The following ADGRL3 variants were observed in gnomAD, a reference collection of about 807,000 sequenced individuals.
ADGRL3 encodes calcium-independent alpha-latrotoxin receptor 3.
Under a neutral mutation model 153.5 loss-of-function variants are expected in ADGRL3, and 62 were observed. That is an observed-to-expected ratio of 0.40 (90% confidence interval 0.33 to 0.50). The LOEUF (loss-of-function observed/expected upper bound fraction) is 0.50. ADGRL3 is among the 20% of genes least tolerant of loss of function. The pLI is 0.47. For missense variants in ADGRL3, 1,641 were observed against 1,859.4 expected (o/e 0.88, Z 2.16); for synonymous variants, 710 against 672.5 (o/e 1.06, Z -0.86).
intron 2 of ADGRL3, among the ~76,000 whole-genome samples, chr4:61,453,277 T>G (rs2097696202): frequency 6.6e-6 from 1 of 152,142 alleles, no homozygotes; most frequent in Non-Finnish European, 1.5e-5. Flanking sequence ...GTGTAAGTGA[T>G]CTGGGAGAGG....
intron 8 of ADGRL3, among the ~76,000 whole-genome samples, chr4:61,751,911 TAAATG>T (rs748436235): frequency 1.4e-4 from 21 of 152,012 alleles, no homozygotes; most frequent in Non-Finnish European, 2.5e-4. Context: ...TATTTGAAAA[TAAATG>T]AACAAGTAAT....
chr4:61,563,994 C>A (rs577902515), intron 4 of ADGRL3, among the ~76,000 whole-genome samples: 1 of 151,880 alleles, frequency 6.6e-6, no homozygotes, highest in Non-Finnish European at 1.5e-5. Flanking sequence ...GGTGACAGAG[C>A]GAGACTGTCT....
chr4:61,216,920 A>G (rs1022001091), intron 1 of ADGRL3, among the ~76,000 whole-genome samples: 2 of 152,206 alleles, frequency 1.3e-5, no homozygotes, highest in Non-Finnish European at 2.9e-5. Context: ...CACCCAATAC[A>G]TTTTATTATT....
chr4:61,818,575 C>T (rs564629700), intron 9 of ADGRL3, among the ~76,000 whole-genome samples: 15 of 152,258 alleles, frequency 9.9e-5, no homozygotes, highest in Non-Finnish European at 1.9e-4. Context: ...TCAGTCACCT[C>T]CCACTAGGCC....
intron 26 of ADGRL3, among the ~76,000 whole-genome samples, chr4:62,069,263 G>T (rs1216443298): frequency 6.6e-6 from 1 of 151,924 alleles, no homozygotes; most frequent in East Asian, 1.9e-4. Flanking sequence ...ATTATATAAT[G>T]GTAACATTAA....
intron 9 of ADGRL3, among the ~76,000 whole-genome samples, chr4:61,875,976 A>C (rs1164438351): frequency 6.6e-6 from 1 of 152,166 alleles, no homozygotes; most frequent in African/African-American, 2.4e-5. Flanking sequence ...TTTTGAGTAC[A>C]ACAGTTCAAG....
intron 5 of ADGRL3, among the ~76,000 whole-genome samples, chr4:61,647,451 A>G (rs1008822517): frequency 6.6e-6 from 1 of 152,124 alleles, no homozygotes. Context: ...TTTTTCACAC[A>G]TTGGTAGACA....
At chr4:61,271,979 G>A (rs1161224933) in intron 1 of ADGRL3, among the ~76,000 whole-genome samples, 1 of 152,008 alleles carries the variant, frequency 6.6e-6, no homozygotes, top group Non-Finnish European at 1.5e-5. Context: ...TTCAGTATAT[G>A]TTAAATTTAC....
intron 9 of ADGRL3, among the ~76,000 whole-genome samples, chr4:61,876,838 T>C (rs539296180): frequency 7.4e-4 from 111 of 150,884 alleles, no homozygotes; most frequent in African/African-American, 2.5e-3. Context: ...CCAGCAGCCC[T>C]CGGGCTGCTC....
intron 13 of ADGRL3, among the ~76,000 whole-genome samples, chr4:61,924,904 A>G (rs189564815): frequency 2.6e-4 from 39 of 152,162 alleles, no homozygotes; most frequent in Admixed American, 2.6e-3. Flanking sequence ...CTAACACTAT[A>G]TGGTTTATTA....
At chr4:61,862,808 C>T (rs904935887) in intron 9 of ADGRL3, among the ~76,000 whole-genome samples, 7 of 151,956 alleles carry the variant, frequency 4.6e-5, no homozygotes, top group African/African-American at 1.2e-4. Context: ...CTGATGCTTG[C>T]GAAAGTTTGA....
intron 6 of ADGRL3, among the ~76,000 whole-genome samples, chr4:61,694,801 T>G (rs2095610615): frequency 6.6e-6 from 1 of 152,364 alleles, no homozygotes; most frequent in South Asian, 2.1e-4. Context: ...GTCAATCCTC[T>G]CAAACCCTGA....
At chr4:61,485,569 A>C (rs2098181589) in intron 2 of ADGRL3, among the ~76,000 whole-genome samples, 1 of 152,192 alleles carries the variant, frequency 6.6e-6, no homozygotes, top group African/African-American at 2.4e-5. Flanking sequence ...CCTCAGTGAA[A>C]CTATGTTATG....
intron 10 of ADGRL3, among the ~76,000 whole-genome samples, chr4:61,893,979 G>A (rs2098608088): frequency 6.6e-6 from 1 of 152,022 alleles, no homozygotes; most frequent in Non-Finnish European, 1.5e-5. Context: ...CCAAAGTTCT[G>A]GGAGTACAGG....
At chr4:61,694,763 G>T (rs184781699) in intron 6 of ADGRL3, among the ~76,000 whole-genome samples, 107 of 152,268 alleles carry the variant, frequency 7.0e-4, no homozygotes, top group Non-Finnish European at 1.1e-3. Context: ...GATAGCATTT[G>T]GCCCACAGAA....
At chr4:61,289,858 T>G (rs947394410) in intron 1 of ADGRL3, among the ~76,000 whole-genome samples, 1 of 152,094 alleles carries the variant, frequency 6.6e-6, no homozygotes, top group Non-Finnish European at 1.5e-5. Context: ...GGGCCACTGG[T>G]TCCTCAGGTT....
chr4:61,489,066 T>C (rs1444441349), intron 2 of ADGRL3, among the ~76,000 whole-genome samples: 1 of 152,022 alleles, frequency 6.6e-6, no homozygotes, highest in Non-Finnish European at 1.5e-5. Flanking sequence ...CAAGAATTTT[T>C]CTCATTAATC....
chr4:61,852,553 G>C (rs977582073), intron 9 of ADGRL3, among the ~76,000 whole-genome samples: 2 of 152,006 alleles, frequency 1.3e-5, no homozygotes, highest in South Asian at 4.2e-4. Context: ...GACCTCAAGC[G>C]ATCCGCCCGC....
chr4:61,367,599 G>A (rs2096429447), intron 1 of ADGRL3, among the ~76,000 whole-genome samples: 1 of 148,992 alleles, frequency 6.7e-6, no homozygotes, highest in Non-Finnish European at 1.5e-5. Context: ...AGTATTCCAT[G>A]GTGTATATGT....
Sources: allele counts gnomAD v4.1 joint callset (sites outside exome capture counted in the v4.1 genomes callset), GRCh38; gene constraint gnomAD v4.1.1; transcripts MANE v1.5; gene names NCBI Gene and HGNC (gene_info 2026-07-23, HGNC 2026-07-21).